The following SDHAF3 variants were observed in gnomAD, a reference collection of about 807,000 sequenced individuals.
The protein encoded by SDHAF3 is succinate dehydrogenase complex assembly factor 3.
A neutral mutation model predicts 11.5 loss-of-function variants in SDHAF3; 18 were observed. That is an observed-to-expected ratio of 1.56 (90% CI 1.08 to 2.32). The LOEUF is 2.32. Among genes scored for constraint, SDHAF3 ranks in the 30% most tolerant of loss-of-function variants. The pLI, the probability that SDHAF3 is intolerant of heterozygous loss-of-function variation, is 0.00. For missense variants in SDHAF3, 200 were observed against 154.4 expected (o/e 1.30, Z -1.57); for synonymous variants, 72 against 59.3 (o/e 1.21, Z -0.99).
chr7:97,136,075 A>ATATGCATT (rs1286082221), intron 1 of SDHAF3, among the ~76,000 whole-genome samples: 1 of 147,718 alleles, frequency 6.8e-6, no homozygotes, highest in East Asian at 2.0e-4. Flanking sequence ...ACTATCTTAA[A>ATATGCATT]TATGCATTTC....
intron 1 of SDHAF3, among the ~76,000 whole-genome samples, chr7:97,174,154 AG>A (rs1226157682): frequency 1.3e-5 from 2 of 151,880 alleles, no homozygotes; most frequent in Non-Finnish European, 2.9e-5. Context: ...CCTGACCTCA[AG>A]GGATCCACTC....
chr7:97,127,327 C>A (rs968495750), intron 1 of SDHAF3, among the ~76,000 whole-genome samples: 10 of 152,224 alleles, frequency 6.6e-5, no homozygotes, highest in Non-Finnish European at 1.3e-4. Flanking sequence ...CACGGACTGA[C>A]TGTAACTGCT....
chr7:97,180,948 A>G lies in SDHAF3; in HGVS notation c.175-64A>G, dbSNP rs538656175. On this transcript the variant is annotated intron_variant, in intron 1 of 1. Coordinates refer to ENST00000432641, the MANE Select transcript of SDHAF3 (RefSeq NM_020186.3). ...ATAGGTGACTCAGAATTAGAATTCA[A>G]GTCCTCTAATGTTAAATATTATTTA... 10 of 1,366,398 alleles carry G rather than the reference A, an allele frequency of 7.3e-6. No homozygotes were observed. The East Asian group carries it at 2.0e-4, about 27-fold the overall frequency. 84.6% of individuals were successfully genotyped at this position (1,366,398 alleles called of 1,614,324 possible). A position where few individuals can be genotyped will look rare whatever the true frequency, so the allele number is the denominator to read the frequency against.
At chr7:97,123,132 C>T (rs1395874417) in intron 1 of SDHAF3, among the ~76,000 whole-genome samples, 1 of 152,030 alleles carries the variant, frequency 6.6e-6, no homozygotes, top group East Asian at 1.9e-4. Context: ...TGTCCTAATG[C>T]TCTACCTCCT....
At chr7:97,173,849 G>T (rs1789641518) in intron 1 of SDHAF3, among the ~76,000 whole-genome samples, 1 of 151,100 alleles carries the variant, frequency 6.6e-6, no homozygotes, top group Admixed American at 6.6e-5. Context: ...ACCACACCTG[G>T]CCAAAATAAT....
intron 1 of SDHAF3, among the ~76,000 whole-genome samples, chr7:97,178,582 T>C (rs551988883): frequency 1.5e-3 from 222 of 152,268 alleles, no homozygotes; most frequent in African/African-American, 4.9e-3. Context: ...TGGCATCTCA[T>C]TGTGGTTTTG....
At chr7:97,155,423 G>A (rs1789287108) in intron 1 of SDHAF3, among the ~76,000 whole-genome samples, 1 of 151,898 alleles carries the variant, frequency 6.6e-6, no homozygotes. Flanking sequence ...GATTTAGCTT[G>A]GCCAACTTCT....
At chr7:97,135,842 C>T (rs896326265) in intron 1 of SDHAF3, among the ~76,000 whole-genome samples, 10 of 151,056 alleles carry the variant, frequency 6.6e-5, no homozygotes, top group Admixed American at 1.3e-4. Flanking sequence ...CGCCCGCCAC[C>T]ACGCCTGGCT....
intron 1 of SDHAF3, among the ~76,000 whole-genome samples, chr7:97,123,394 G>A (rs1455055487): frequency 3.3e-5 from 5 of 152,070 alleles, no homozygotes; most frequent in African/African-American, 4.8e-5. Context: ...CCAGCCTATC[G>A]TTGATGGATA....
chr7:97,124,110 C>T (rs375721312), intron 1 of SDHAF3, among the ~76,000 whole-genome samples: 5 of 152,224 alleles, frequency 3.3e-5, no homozygotes, highest in African/African-American at 1.2e-4. Flanking sequence ...AGGTTTTCTT[C>T]TAGGGTTTTT....
At chr7:97,137,525 A>G (rs1016381511) in intron 1 of SDHAF3, among the ~76,000 whole-genome samples, 2 of 152,204 alleles carry the variant, frequency 1.3e-5, no homozygotes, top group South Asian at 2.1e-4. Flanking sequence ...TGTTCACACT[A>G]TGTTGGAGAG....
chr7:97,156,420 T>C (rs1302954437), intron 1 of SDHAF3, among the ~76,000 whole-genome samples: 1 of 152,142 alleles, frequency 6.6e-6, no homozygotes, highest in East Asian at 1.9e-4. Context: ...CTTGCACTAA[T>C]AGTTGGAAAA....
At chr7:97,128,377 CAA>C (rs1475697711) in intron 1 of SDHAF3, among the ~76,000 whole-genome samples, 1 of 152,032 alleles carries the variant, frequency 6.6e-6, no homozygotes, top group Non-Finnish European at 1.5e-5. Context: ...TGTGTTATAA[CAA>C]TGCTCATGAT....
In SDHAF3 at chr7:97,142,890, CTTT is replaced by C. The variant is rs35198717; in HGVS notation, c.174+25016_174+25018del. ...TACAGGATTATTTTCTTCTTAAATT[CTTT>C]TTTTTTTTTTTTTTTTTTTTTTAGA... On this transcript the variant is annotated intron_variant, in intron 1 of 1. Transcript: ENST00000432641. 2.0e-4 allele frequency: 17 copies of C among 87,076 alleles called. No homozygotes were observed. In the East Asian group the frequency reaches 5.1e-3, roughly 26 times the overall value. The allele number at this position is 87,076 out of a possible 1,614,324, so 5.4% of individuals were successfully genotyped here.
At chr7:97,140,756 C>T (rs1199779582) in intron 1 of SDHAF3, among the ~76,000 whole-genome samples, 2 of 121,860 alleles carry the variant, frequency 1.6e-5, no homozygotes, top group Non-Finnish European at 3.5e-5. Flanking sequence ...GGATGTATGT[C>T]GCCTCAGGAC....
At position 97,121,517 on chromosome 7, in the gene SDHAF3, G is replaced by A. The variant is rs577586302; in HGVS notation, c.174+3620G>A. 7.2e-5 allele frequency among the ~76,000 whole-genome samples: 11 copies of A among 152,268 alleles called. No homozygotes were observed. The East Asian group carries it at 2.1e-3, about 29-fold the overall frequency. On this transcript the variant is annotated intron_variant, in intron 1 of 1. Transcript: ENST00000432641. The stretch of plus-strand genomic sequence containing the variant: ...TTTAACTGTTTTGTTTCTAGAAAAA[G>A]GCAGAAACATTTTTCAGATAGTTTT...
At chr7:97,172,977 G>A (rs1206735111) in intron 1 of SDHAF3, among the ~76,000 whole-genome samples, 1 of 152,096 alleles carries the variant, frequency 6.6e-6, no homozygotes, top group African/African-American at 2.4e-5. Context: ...GGATGAAATG[G>A]CTCCACCTCA....
intron 1 of SDHAF3, among the ~76,000 whole-genome samples, chr7:97,123,737 T>A (rs958992537): frequency 3.9e-5 from 6 of 152,072 alleles, no homozygotes; most frequent in Non-Finnish European, 8.8e-5. Context: ...TACATTTCTC[T>A]AATGACCAGT....
intron 1 of SDHAF3, 133 bp from the exon 2 acceptor site, chr7:97,180,877 TTA>T (rs1019748650): frequency 2.6e-5 from 18 of 701,242 alleles, no homozygotes; most frequent in Admixed American, 2.3e-4. Flanking sequence ...ACAACTATAT[TTA>T]TATCTCCTTA....
Sources: gnomAD v4.1 joint callset for allele counts (sites outside exome capture counted in the v4.1 genomes callset) on GRCh38, gnomAD v4.1.1 for gene constraint, MANE v1.5 for transcripts, NCBI Gene and HGNC (gene_info 2026-07-23, HGNC 2026-07-21) for gene names.